Variants in LYST observed in about 807,000 individuals in gnomAD.
The protein encoded by LYST is lysosomal trafficking regulator, also known as lysosomal-trafficking regulator.
Under a neutral mutation model 413.6 loss-of-function variants are expected in LYST, and 192 were observed. The observed-to-expected ratio is 0.46, with a 90% confidence interval of 0.41 to 0.52. The LOEUF (loss-of-function observed/expected upper bound fraction) is 0.52. Ranked by LOEUF, LYST falls within the 20% of genes least tolerant of loss-of-function variation. LYST has a pLI of 0.00. For synonymous variants in LYST, 1,525 were observed against 1,567.3 expected, an observed-to-expected ratio of 0.97 and a Z score of 0.64; for missense variants, 3,815 against 4,499.9, an observed-to-expected ratio of 0.85 and a Z score of 4.35.
intron 27 of LYST, 86 bp downstream of exon 27, chr1:235,751,919 T>C (rs942534403): frequency 1.1e-6 from 1 of 944,726 alleles, no homozygotes; most frequent in Admixed American, 2.2e-5. Flanking sequence ...AGTAAAAGAG[T>C]TTCTAAGAAG....
In LYST at chr1:235,777,093, T is replaced by A; in HGVS notation, c.5430A>T (p.Gly1810=). The change falls in exon 17 of 53, where the codon GGA becomes GGT. Residue 1810 remains glycine, a synonymous_variant. Coordinates refer to ENST00000389793, the MANE Select transcript of LYST (RefSeq NM_000081.4). ...CAAAGAGAAAAACAAATATGCCAGTTCCACCAATTTCGTGCAGAATGCCTT... is the reference window on the plus strand; with the variant it reads ...CAAAGAGAAAAACAAATATGCCAGTACCACCAATTTCGTGCAGAATGCCTT... ...TIQGILHEIG[G]TGIFVFLFAR... The A allele has an allele frequency of 6.2e-7, 1 of 1,613,584 alleles. No individual in the cohort carries two copies. The highest frequency in any genetic ancestry group is 8.5e-7 in the Non-Finnish European group (1 of 1,179,650).
At chr1:235,763,627 C>CT (rs71174461) in intron 21 of LYST, among the ~76,000 whole-genome samples, 40,766 of 147,978 alleles carry the variant, frequency 0.28, 7,237 homozygotes, top group East Asian at 0.75. Context: ...CTTTTTTTTT[C>CT]TTTTTTTTTT....
chr1:235,669,711 T>C (rs1658775424), intron 50 of LYST, among the ~76,000 whole-genome samples: 1 of 152,226 alleles, frequency 6.6e-6, no homozygotes, highest in South Asian at 2.1e-4. Context: ...AGATTCTATA[T>C]CCAGGCCCTT....
At chr1:235,716,824 C>A (rs200108337) in intron 40 of LYST, 46 bp from the exon 41 acceptor site, 2 of 1,098,464 alleles carry the variant, frequency 1.8e-6, no homozygotes, top group Admixed American at 1.7e-5. Flanking sequence ...TTGATACTGT[C>A]AAGATTAAGC....
intron 18 of LYST, among the ~76,000 whole-genome samples, chr1:235,774,683 GTTTC>G (rs941984546): frequency 1.3e-5 from 2 of 152,028 alleles, no homozygotes; most frequent in African/African-American, 2.4e-5. Flanking sequence ...AATTCAATGA[GTTTC>G]TTTCTTTCTT....
At chr1:235,687,913 C>T (rs1315029748) in intron 47 of LYST, among the ~76,000 whole-genome samples, 1 of 152,244 alleles carries the variant, frequency 6.6e-6, no homozygotes, top group Non-Finnish European at 1.5e-5. Context: ...CAAGCTGTCT[C>T]TTGCTGGCTT....
At chr1:235,807,313 A>G (rs1672957084) in intron 5 of LYST, among the ~76,000 whole-genome samples, 1 of 152,240 alleles carries the variant, frequency 6.6e-6, no homozygotes, top group East Asian at 1.9e-4. Context: ...TGAACAGTCA[A>G]TGGTACAAAT....
intron 50 of LYST, among the ~76,000 whole-genome samples, chr1:235,667,537 T>C (rs1281524221): frequency 1.3e-5 from 2 of 152,216 alleles, no homozygotes; most frequent in African/African-American, 4.8e-5. Flanking sequence ...GCACATAATA[T>C]AGTTGTCCCT....
chr1:235,713,032 T>C, intron 42 of LYST: 1 of 985,432 alleles, frequency 1.0e-6, no homozygotes. Flanking sequence ...CATCTTTTCA[T>C]TTGGAGACTG....
intron 42 of LYST, chr1:235,713,301 G>T: frequency 1.6e-6 from 1 of 621,734 alleles, no homozygotes; most frequent in Non-Finnish European, 2.0e-6. Flanking sequence ...AAAAATTAAG[G>T]TAATTCTCAA....
In LYST at chr1:235,854,169, A is replaced by T. The variant is rs528895541; in HGVS notation, c.-98+12674T>A. Among the ~76,000 whole-genome samples, 133 of 152,188 alleles carry T rather than the reference A, an allele frequency of 8.7e-4. 1 individual carries two copies. The highest frequency in any genetic ancestry group is 1.7e-3 in the Non-Finnish European group (116 of 68,028). The stretch of plus-strand genomic sequence containing the variant: ...CACCTACAGTGATTAATTACTACAC[A>T]TCAGGCACTATTGTAAGCACTCTAG... On this transcript the variant is annotated intron_variant, in intron 1 of 52. Coordinates refer to ENST00000389793, the MANE Select transcript of LYST (RefSeq NM_000081.4). The surrounding 1 kb of genome is among the most constrained non-coding windows in gnomAD (Gnocchi z 4.1).
intron 10 of LYST, among the ~76,000 whole-genome samples, chr1:235,797,620 C>T (rs1462677892): frequency 6.6e-6 from 1 of 151,994 alleles, no homozygotes; most frequent in African/African-American, 2.4e-5. Context: ...ACACCGTATA[C>T]AAAATTTAAC....
At chr1:235,816,372 G>A (rs1167108429) in intron 3 of LYST, among the ~76,000 whole-genome samples, 8 of 149,070 alleles carry the variant, frequency 5.4e-5, no homozygotes, top group Admixed American at 2.0e-4. Context: ...CCTGAGAGGC[G>A]GAGGTTGCAG....
At chr1:235,755,998 A>AATCTATATCTATATCTATATCTAT (rs59482097) in intron 24 of LYST, among the ~76,000 whole-genome samples, 31 of 142,852 alleles carry the variant, frequency 2.2e-4, no homozygotes, top group African/African-American at 6.7e-4. Flanking sequence ...TCTCTCTGCA[A>AATCTATATCTATATCTATATCTAT]ATCTATATCT....
intron 44 of LYST, among the ~76,000 whole-genome samples, chr1:235,704,918 T>G (rs185115627): frequency 2.0e-5 from 3 of 152,350 alleles, no homozygotes; most frequent in South Asian, 2.1e-4. Flanking sequence ...AATAGTGCTT[T>G]TCAACATTCT....
At position 235,759,218 on chromosome 1, in the gene LYST, C is replaced by A; in HGVS notation, c.6635G>T (p.Arg2212Met). 6.2e-7 allele frequency: 1 copy of A among 1,614,168 alleles called. No homozygotes were observed. The highest frequency in any genetic ancestry group is 8.5e-7 in the Non-Finnish European group (1 of 1,180,032). ...ADHKQLGAEP[R>M]SEDDSPGDES... ...ATCCCCAGGACTGTCATCTTCTGAC[C>A]TGGGTTCTGCTCCCAACTGTTTATG... is the stretch of plus-strand genomic sequence containing the variant. Residue 2212 changes from arginine (R) to methionine (M), a missense_variant, in exon 23 of 53, where the codon AGG becomes ATG. Arg to Met is a moderately conservative substitution (Grantham distance 91). This residue lies in a region of LYST where 771 missense variants were observed against 837.1 expected (regional missense o/e 0.92). Transcript: ENST00000389793.
At chr1:235,857,784 C>CATATATATAT (rs71583794) in intron 1 of LYST, among the ~76,000 whole-genome samples, 22 of 122,130 alleles carry the variant, frequency 1.8e-4, no homozygotes, top group African/African-American at 7.0e-4. Flanking sequence ...CACACACACA[C>CATATATATAT]ATATATATAT....
chr1:235,809,862 G>A lies in LYST; in HGVS notation c.956C>T (p.Pro319Leu), dbSNP rs777161620. Residue 319 changes from proline (P) to leucine (L), a missense_variant, in exon 5 of 53, where the codon CCG becomes CTG. Around this residue, in one of 4 missense-constraint regions of LYST, gnomAD observed 1,648 missense variants for 1,810.3 expected, o/e 0.91. Transcript: ENST00000389793. This position sits in a 1 kb window ranked among gnomAD's most constrained non-coding sequence, Gnocchi z 4.0. The part of the protein sequence containing the change: ...RVVSAGWTEE[P>L]VALIQRMLFR... The stretch of plus-strand genomic sequence containing the variant: ...GAGCATCCTTTGAATCAAAGCCACC[G>A]GTTCTTCGGTCCAACCTGCAGAAAC... The A allele has an allele frequency of 2.0e-5, 32 of 1,613,790 alleles. No homozygotes were observed. The highest frequency in any genetic ancestry group is 1.4e-4 in the South Asian group (13 of 91,078).
intron 46 of LYST, among the ~76,000 whole-genome samples, chr1:235,696,428 C>A (rs1661109029): frequency 6.6e-6 from 1 of 152,168 alleles, no homozygotes; most frequent in Non-Finnish European, 1.5e-5. Context: ...CAGATGAGTG[C>A]CCTAGGTCAT....
Sources: allele counts gnomAD v4.1 joint callset (sites outside exome capture counted in the v4.1 genomes callset), GRCh38; gene constraint gnomAD v4.1.1; regional missense constraint gnomAD v4.1.1; non-coding constraint Gnocchi (gnomAD v3.1); transcripts MANE v1.5; gene names NCBI Gene and HGNC (gene_info 2026-07-23, HGNC 2026-07-21).